The following MROH2B variants were observed in gnomAD, a reference collection of about 807,000 sequenced individuals.
The protein encoded by MROH2B is maestro heat-like repeat-containing protein family member 2B.
A neutral mutation model predicts 208.6 loss-of-function variants in MROH2B; 177 were observed. The ratio of observed to expected loss-of-function variants is 0.85; its 90% confidence interval spans 0.75 to 0.96. The LOEUF (loss-of-function observed/expected upper bound fraction) is 0.96, where lower values mean the gene tolerates loss of function less well. Ranked by LOEUF, MROH2B falls within the 40% of genes least tolerant of loss-of-function variation. The pLI is 0.00. For missense variants in MROH2B, 2,002 were observed against 1,878.7 expected (o/e 1.07, Z -1.21); for synonymous variants, 728 against 659.0 (o/e 1.10, Z -1.60).
chr5:41,051,524 GT>G (rs1743284537), intron 12 of MROH2B: 1 of 152,532 alleles, frequency 6.6e-6, no homozygotes, highest in Admixed American at 6.5e-5. Context: ...TGATCTGAGT[GT>G]TTGTGTTTTC....
At chr5:41,025,043 G>C (rs1253734887) in intron 24 of MROH2B, among the ~76,000 whole-genome samples, 2 of 152,194 alleles carry the variant, frequency 1.3e-5, no homozygotes, top group African/African-American at 4.8e-5. Context: ...GCAATGTGTA[G>C]AGGGAAATTT....
intron 19 of MROH2B, among the ~76,000 whole-genome samples, chr5:41,041,271 A>G (rs1221254040): frequency 6.6e-6 from 1 of 152,078 alleles, no homozygotes; most frequent in Non-Finnish European, 1.5e-5. Flanking sequence ...TACTTTTTTT[A>G]TACTGGTGGT....
At chr5:41,008,880 TC>T in intron 32 of MROH2B, 87 bp from the exon 33 acceptor site, 1 of 1,326,334 alleles carries the variant, frequency 7.5e-7, no homozygotes, top group South Asian at 1.5e-5. Flanking sequence ...CTTTGTTTTC[TC>T]CACCAGTAAA....
At chr5:41,056,751 C>T (rs941334077) in intron 9 of MROH2B, among the ~76,000 whole-genome samples, 5 of 132,432 alleles carry the variant, frequency 3.8e-5, no homozygotes, top group African/African-American at 1.4e-4. Flanking sequence ...TGGTTTGACA[C>T]AGACTCAAAT....
rs1741671639 is a variant in MROH2B at position 41,008,663 on chromosome 5, C to A, written c.3551G>T (p.Ser1184Ile). The A allele has an allele frequency of 1.2e-6, 2 of 1,613,956 alleles. No individual in the cohort carries two copies. The highest frequency in any genetic ancestry group is 8.5e-7 in the Non-Finnish European group (1 of 1,179,864). ...LGQKMLTCPW[S>I]HRRHVMQQGE... is the part of the protein sequence containing the mutation. ...CTGCTGCATCACATGCCGCCTATGG[C>A]TCCAGGGACAAGTGAGCATCTTCTG... Residue 1184 changes from serine (S) to isoleucine (I), a missense_variant, in exon 33 of 42, where the codon AGC becomes ATC. Transcript: ENST00000399564.
At chr5:41,011,503 C>A (rs573166698) in intron 30 of MROH2B, among the ~76,000 whole-genome samples, 1 of 152,200 alleles carries the variant, frequency 6.6e-6, no homozygotes. Flanking sequence ...TTCAAAAACA[C>A]TTATTGAAAA....
Position 41,055,824 on chromosome 5 carries a change from A to C in MROH2B, c.951T>G (p.Phe317Leu). 6.2e-7 allele frequency: 1 copy of C among 1,613,868 alleles called. No homozygotes were observed. Among genetic ancestry groups the C allele is most frequent in the Non-Finnish European group, 8.5e-7 (1 of 1,179,826 alleles). ...AHSNPGELMEFFDEQVRSNNE... is the reference protein window; with the variant it reads ...AHSNPGELMELFDEQVRSNNE... ...TATTACTTCTTACTTGTTCATCAAAAAATTCCATCAGCTCTCCAGGATTGG... is the reference window on the plus strand; with the variant it reads ...TATTACTTCTTACTTGTTCATCAAACAATTCCATCAGCTCTCCAGGATTGG... The change falls in exon 10 of 42, where the codon TTT becomes TTG. Residue 317 changes from phenylalanine (F) to leucine (L), a missense_variant. Transcript: ENST00000399564.
chr5:41,052,536 T>C lies in MROH2B; in HGVS notation c.1159A>G (p.Ile387Val), dbSNP rs1743317608. Residue 387 changes from isoleucine (I) to valine (V), a missense_variant, in exon 12 of 42, where the codon ATT becomes GTT. Transcript: ENST00000399564. ...AATGGCCATCCTTCCCGAGCTTCAATATAGGACTTTTCACACATGGTTTGG... is the reference window on the plus strand; with the variant it reads ...AATGGCCATCCTTCCCGAGCTTCAACATAGGACTTTTCACACATGGTTTGG... The part of the protein sequence containing the change: ...LIQTMCEKSY[I>V]EAREGWPLID... 1.2e-6 allele frequency: 2 copies of C among 1,612,614 alleles called. No homozygotes were observed. Among genetic ancestry groups the C allele is most frequent in the Non-Finnish European group, 1.7e-6 (2 of 1,179,100 alleles).
At chr5:41,016,498 G>GTTTTTTTTTTTTTTTTTTT in intron 28 of MROH2B, among the ~76,000 whole-genome samples, 1 of 80,778 alleles carries the variant, frequency 1.2e-5, no homozygotes, top group Non-Finnish European at 2.1e-5. Context: ...CTACTGTAAT[G>GTTTTTTTTTTTTTTTTTTT]TTTTTTTTTT....
At chr5:41,054,549 ATCTTCT>A (rs565903988) in intron 11 of MROH2B, among the ~76,000 whole-genome samples, 1 of 152,180 alleles carries the variant, frequency 6.6e-6, no homozygotes, top group African/African-American at 2.4e-5. Flanking sequence ...ATAAGCAAAA[ATCTTCT>A]TCTTTTCACT....
intron 24 of MROH2B, among the ~76,000 whole-genome samples, chr5:41,026,006 TCAATAAACTA>T (rs1742346030): frequency 6.6e-6 from 1 of 152,132 alleles, no homozygotes; most frequent in Non-Finnish European, 1.5e-5. Flanking sequence ...CTAAAAACTC[TCAATAAACTA>T]GGTATTGATG....
intron 37 of MROH2B, among the ~76,000 whole-genome samples, chr5:41,002,300 G>A (rs1444875162): frequency 1.3e-5 from 2 of 152,244 alleles, no homozygotes; most frequent in East Asian, 1.9e-4. Flanking sequence ...ATTAGAGAAC[G>A]TCTAGTCCAA....
rs545502687 is a variant in MROH2B, at chr5:41,018,759, G to A, written c.2605C>T (p.Leu869=). Reference sequence around the variant, plus strand: ...ATCATGGTCTTCAGAAGTTTTCCTAGGGCGTCCATGGATCGTTCATAGAGA... The same window carrying A: ...ATCATGGTCTTCAGAAGTTTTCCTAAGGCGTCCATGGATCGTTCATAGAGA... The part of the protein sequence containing the change: ...QFLYERSMDA[L]GKLLKTMMWD... Residue 869 remains leucine (L), a synonymous_variant, in exon 26 of 42, where the codon CTA becomes TTA. Coordinates refer to ENST00000399564, the MANE Select transcript of MROH2B (RefSeq NM_173489.5). 1 of 1,613,718 alleles carries A rather than the reference G, an allele frequency of 6.2e-7. No individual in the cohort carries two copies. Among genetic ancestry groups the A allele is most frequent in the East Asian group, 2.2e-5 (1 of 44,868 alleles).
intron 24 of MROH2B, among the ~76,000 whole-genome samples, chr5:41,030,157 G>C (rs1241573134): frequency 6.6e-6 from 1 of 151,956 alleles, no homozygotes; most frequent in Non-Finnish European, 1.5e-5. Context: ...GAAAGGACTT[G>C]AGTAGACATT....
chr5:41,021,439 C>T (rs1742144804), intron 24 of MROH2B, among the ~76,000 whole-genome samples: 1 of 152,144 alleles, frequency 6.6e-6, no homozygotes, highest in Non-Finnish European at 1.5e-5. Context: ...TAGAAAAATT[C>T]ATCCTAAAAT....
Position 41,004,371 on chromosome 5 carries a change from A to G in MROH2B, c.4169T>C (p.Leu1390Pro). Residue 1390 changes from leucine (L) to proline (P), a missense_variant, in exon 37 of 42, where the codon CTG becomes CCG. Leu to Pro is a moderately conservative substitution (Grantham distance 98). Coordinates refer to ENST00000399564, the MANE Select transcript of MROH2B (RefSeq NM_173489.5). ...DVSFYFKEIV[L>P]QTRTFFEDEQ... ...ATCTTCAAAGAAGGTCCTTGTTTGC[A>G]GCACTATTTCCTTGAAGTAGAAGCT... 6.2e-7 allele frequency: 1 copy of G among 1,613,578 alleles called. No individual in the cohort carries two copies. Among genetic ancestry groups the G allele is most frequent in the Non-Finnish European group, 8.5e-7 (1 of 1,179,778 alleles).
chr5:41,034,017 C>G, intron 21 of MROH2B, 153 bp from the exon 22 acceptor site: 1 of 982,678 alleles, frequency 1.0e-6, no homozygotes, highest in Non-Finnish European at 1.2e-6. Context: ...GGGAGGGGGG[C>G]AATTCACTTC....
At chr5:41,056,353 T>G (rs780602567) in intron 9 of MROH2B, among the ~76,000 whole-genome samples, 2 of 152,074 alleles carry the variant, frequency 1.3e-5, no homozygotes, top group Non-Finnish European at 2.9e-5. Context: ...GGTGAATTAG[T>G]TAGCTAGGCA....
chr5:41,009,802 T>A, intron 31 of MROH2B, 120 bp downstream of exon 31: 1 of 933,172 alleles, frequency 1.1e-6, no homozygotes, highest in Non-Finnish European at 1.6e-6. Context: ...GTTAAATTGT[T>A]ATTCAGATGA....
Sources: gnomAD v4.1 joint callset for allele counts (sites outside exome capture counted in the v4.1 genomes callset) on GRCh38, gnomAD v4.1.1 for gene constraint, MANE v1.5 for transcripts, NCBI Gene and HGNC (gene_info 2026-07-23, HGNC 2026-07-21) for gene names.